PFKFB4: variants seen among roughly 807,000 people sequenced by gnomAD.
The protein encoded by PFKFB4 is 6-phosphofructo-2-kinase/fructose-2,6-biphosphatase 4.
PFKFB4 carries 42 observed loss-of-function variants against 62.8 expected under a neutral mutation model. The observed-to-expected ratio is 0.67, with a 90% CI of 0.52 to 0.86. PFKFB4 has a LOEUF of 0.86. PFKFB4 is among the 40% of genes least tolerant of loss of function. The pLI, the probability that PFKFB4 is intolerant of heterozygous loss-of-function variation, is 0.00. For synonymous variants in PFKFB4, 204 were observed against 240.7 expected (o/e 0.85, Z 1.41); for missense variants, 475 against 627.2 (o/e 0.76, Z 2.59).
intron 3 of PFKFB4, 53 bp from the exon 4 acceptor site, chr3:48,543,699 G>T: frequency 1.4e-6 from 2 of 1,434,090 alleles, no homozygotes; most frequent in South Asian, 1.2e-5. Flanking sequence ...GGCTCCAGGA[G>T]GGTGGCCAGG....
chr3:48,524,281 C>A (rs1003728034), intron 10 of PFKFB4, among the ~76,000 whole-genome samples: 1 of 152,204 alleles, frequency 6.6e-6, no homozygotes, highest in East Asian at 1.9e-4. Flanking sequence ...AGGAACTATC[C>A]TCAGTCTACC....
rs754132186 is a variant in PFKFB4 at position 48,519,710 on chromosome 3, G to A, written c.*37C>T. Reference sequence around the variant, plus strand: ...CCTGGAATGACCCCCTCTGCAGAGAGCAGTGCCTGCCTAGTGGTCACAGTG... The same window carrying A: ...CCTGGAATGACCCCCTCTGCAGAGAACAGTGCCTGCCTAGTGGTCACAGTG... On this transcript the variant is annotated 3_prime_UTR_variant, in exon 14 of 14. Coordinates refer to ENST00000232375, the MANE Select transcript of PFKFB4 (RefSeq NM_004567.4). The A allele has an allele frequency of 2.6e-6, 4 of 1,514,276 alleles. No individual in the cohort carries two copies. Among genetic ancestry groups the A allele is most frequent in the East Asian group, 2.3e-5 (1 of 44,396 alleles). 93.8% of individuals were successfully genotyped at this position (1,514,276 alleles called of 1,614,324 possible). A position where few individuals can be genotyped will look rare whatever the true frequency, so the allele number is the denominator to read the frequency against.
intron 1 of PFKFB4, among the ~76,000 whole-genome samples, chr3:48,555,891 G>A (rs937602556): frequency 6.6e-6 from 1 of 151,524 alleles, no homozygotes; most frequent in Non-Finnish European, 1.5e-5. Flanking sequence ...TTGGGCCACT[G>A]AGCGAGACTC....
chr3:48,553,093 C>A (rs1403365464), intron 1 of PFKFB4, among the ~76,000 whole-genome samples: 2 of 152,216 alleles, frequency 1.3e-5, no homozygotes, highest in African/African-American at 4.8e-5. Flanking sequence ...CAAAACAGAG[C>A]ACGTGGACTA....
intron 1 of PFKFB4, among the ~76,000 whole-genome samples, chr3:48,555,894 C>T (rs73831583): frequency 0.05 from 7,603 of 150,772 alleles, 586 homozygotes; most frequent in African/African-American, 0.16. Context: ...GGCCACTGAG[C>T]GAGACTCATC....
intron 13 of PFKFB4, among the ~76,000 whole-genome samples, chr3:48,520,633 T>C (rs1322431395): frequency 1.3e-5 from 2 of 152,206 alleles, no homozygotes; most frequent in African/African-American, 2.4e-5. Context: ...GGGGCAGGTA[T>C]AATTCTTACT....
At chr3:48,538,392 C>T in intron 7 of PFKFB4, 106 bp downstream of exon 7, 7 of 1,409,812 alleles carry the variant, frequency 5.0e-6, no homozygotes, top group Non-Finnish European at 6.8e-6. Flanking sequence ...ACCATCTCTG[C>T]TTTTTGGTCC....
In PFKFB4 at chr3:48,539,776, G is replaced by T. The variant is rs1560167759; in HGVS notation, c.379-5C>A. The T allele has an allele frequency of 3.7e-6, 6 of 1,613,042 alleles. No homozygotes were observed. Among genetic ancestry groups the T allele is most frequent in the Non-Finnish European group, 5.1e-6 (6 of 1,179,002 alleles). Reference sequence around the variant, plus strand: ...GGTGTTTGTGGCATCAAAAACCTAGGACCAAACTAGGGTTAACTCAGCCTC... The same window carrying T: ...GGTGTTTGTGGCATCAAAAACCTAGTACCAAACTAGGGTTAACTCAGCCTC... On this transcript the variant is annotated splice_region_variant and splice_polypyrimidine_tract_variant and intron_variant, in intron 4 of 13. Coordinates refer to ENST00000232375, the MANE Select transcript of PFKFB4 (RefSeq NM_004567.4).
rs139099544 is a variant in PFKFB4 at position 48,537,452 on chromosome 3, G to A, written c.633-989C>T. 2.8e-4 allele frequency among the ~76,000 whole-genome samples: 43 copies of A among 151,124 alleles called. No individual in the cohort carries two copies. In the East Asian group the frequency reaches 7.8e-3, roughly 27 times the overall value. On this transcript the variant is annotated intron_variant, in intron 7 of 13. Coordinates refer to ENST00000232375, the MANE Select transcript of PFKFB4 (RefSeq NM_004567.4). ...GCTCTAGAACCCAGCTGAGGACCCT[G>A]CTCTATGCACACCCCAAAAGCATTC...
intron 4 of PFKFB4, among the ~76,000 whole-genome samples, chr3:48,542,250 C>T (rs2042822884): frequency 6.7e-6 from 1 of 149,828 alleles, no homozygotes; most frequent in South Asian, 2.1e-4. Context: ...AGGAGAGTGG[C>T]GTGAACCCAG....
chr3:48,558,680 G>A (rs369231164), upstream of PFKFB4, among the ~76,000 whole-genome samples: 30 of 152,316 alleles, frequency 2.0e-4, no homozygotes, highest in Middle Eastern at 6.8e-3. Context: ...CTTGCCCTGG[G>A]AACACCCTGC....
intron 9 of PFKFB4, among the ~76,000 whole-genome samples, chr3:48,526,327 C>T (rs534302420): frequency 6.6e-6 from 1 of 151,942 alleles, no homozygotes; most frequent in South Asian, 2.1e-4. Context: ...AATCCCAGCA[C>T]TTTGGGAGGC....
Position 48,539,293 on chromosome 3 carries a change from G to A in PFKFB4, c.471C>T (p.Ser157=), listed in dbSNP as rs1427627466. The A allele has an allele frequency of 1.9e-6, 3 of 1,614,014 alleles. No homozygotes were observed. The highest frequency in any genetic ancestry group is 3.3e-4 in the Middle Eastern group (2 of 6,062). ...QNGYKTFFVE[S]ICVDPEVIAA... ...CTATGACCTCAGGATCCACACAGAT[G>A]GACTCGACAAAAAAGGTCTGCGGCA... is the stretch of plus-strand genomic sequence containing the variant. Residue 157 remains serine, a synonymous_variant, in exon 6 of 14, where the codon TCC becomes TCT. Transcript: ENST00000232375.
chr3:48,539,667 CGCCAAGGAGAGGA>C lies in PFKFB4; in HGVS notation c.453+17_453+29del. Reference sequence around the variant, plus strand: ...GAGGGCAGGGGACATGCCACAGTTCCGCCAAGGAGAGGAGCCAAGGAGGCCTCACCTTGTAGCC... The same window carrying C: ...GAGGGCAGGGGACATGCCACAGTTCCGCCAAGGAGGCCTCACCTTGTAGCC... On this transcript the variant is annotated intron_variant, in intron 5 of 13. Transcript: ENST00000232375. The C allele has an allele frequency of 6.3e-7, 1 of 1,581,604 alleles. No individual in the cohort carries two copies. Among genetic ancestry groups the C allele is most frequent in the South Asian group, 1.1e-5 (1 of 90,422 alleles).
upstream of PFKFB4, chr3:48,562,997 G>T: frequency 6.2e-7 from 1 of 1,608,870 alleles, no homozygotes; most frequent in Non-Finnish European, 8.5e-7. This position sits in a 1 kb window ranked among gnomAD's most constrained non-coding sequence, Gnocchi z 4.3. Flanking sequence ...CTCTGAGGCC[G>T]CAGGTCGGGG....
chr3:48,557,238 A>G (rs1477587005), upstream of PFKFB4, among the ~76,000 whole-genome samples: 1 of 152,162 alleles, frequency 6.6e-6, no homozygotes, highest in Non-Finnish European at 1.5e-5. Context: ...TAGGGAGCCC[A>G]GGGCCCCCAG....
chr3:48,533,253 A>C (rs11710798), intron 9 of PFKFB4, among the ~76,000 whole-genome samples: 13,070 of 152,182 alleles, frequency 0.086, 826 homozygotes, highest in South Asian at 0.13. Flanking sequence ...TCTGTTTTAC[A>C]AGATTAAAAG....
intron 6 of PFKFB4, 129 bp from the exon 7 acceptor site, chr3:48,538,748 G>A: frequency 8.6e-7 from 1 of 1,168,434 alleles, no homozygotes; most frequent in Non-Finnish European, 1.2e-6. Context: ...ACCTGAGGCT[G>A]GAAGCTGAGG....
In PFKFB4 at chr3:48,519,821, C is replaced by T. The variant is rs2042037421; in HGVS notation, c.1351-15G>A. ...ATGTCCACGTTCTGTACAATAAAAA[C>T]ACAGAGCGTTCACTCCATGGCAGGA... On this transcript the variant is annotated splice_polypyrimidine_tract_variant and intron_variant, in intron 13 of 13. Transcript: ENST00000232375. 2.5e-6 allele frequency: 4 copies of T among 1,610,006 alleles called. No individual in the cohort carries two copies. The highest frequency in any genetic ancestry group is 1.7e-4 in the Middle Eastern group (1 of 6,054).
Sources: gnomAD v4.1 joint callset for allele counts (sites outside exome capture counted in the v4.1 genomes callset) on GRCh38, gnomAD v4.1.1 for gene constraint, Gnocchi (gnomAD v3.1) non-coding constraint, MANE v1.5 for transcripts, NCBI Gene and HGNC (gene_info 2026-07-23, HGNC 2026-07-21) for gene names.